The following ATP2C1 variants were observed in gnomAD, a reference collection of about 807,000 sequenced individuals.
The protein encoded by ATP2C1 is calcium-transporting ATPase type 2C member 1.
ATP2C1 carries 31 observed loss-of-function variants against 120.5 expected under a neutral mutation model. The observed-to-expected ratio is 0.26, with a 90% confidence interval of 0.19 to 0.35. The LOEUF (loss-of-function observed/expected upper bound fraction) is 0.35, where lower values mean the gene tolerates loss of function less well. Ranked by LOEUF, ATP2C1 falls within the 10% of genes least tolerant of loss-of-function variation. The pLI is 1.00. For missense variants in ATP2C1, 731 were observed against 1,107.5 expected, an observed-to-expected ratio of 0.66 and a Z score of 4.83; for synonymous variants, 351 against 358.7, an observed-to-expected ratio of 0.98 and a Z score of 0.24.
chr3:130,973,115 G>GTA (rs2061403694), intron 17 of ATP2C1, among the ~76,000 whole-genome samples: 1 of 152,094 alleles, frequency 6.6e-6, no homozygotes, highest in Non-Finnish European at 1.5e-5. Context: ...CCCCATAGTG[G>GTA]TAATAGGAAG....
At chr3:130,921,154 T>A (rs1315243448) in intron 2 of ATP2C1, among the ~76,000 whole-genome samples, 1 of 145,908 alleles carries the variant, frequency 6.9e-6, no homozygotes, top group Admixed American at 7.0e-5. Context: ...CAGTCTTGGG[T>A]CAGTGCAACC....
chr3:130,927,432 G>A (rs1447130456), intron 2 of ATP2C1, among the ~76,000 whole-genome samples: 2 of 151,848 alleles, frequency 1.3e-5, no homozygotes, highest in Admixed American at 1.3e-4. Context: ...TAGTAGAGAC[G>A]GGGTTTCATT....
intron 22 of ATP2C1, among the ~76,000 whole-genome samples, chr3:130,994,300 C>T (rs968966410): frequency 6.6e-6 from 1 of 152,118 alleles, no homozygotes; most frequent in Non-Finnish European, 1.5e-5. Context: ...TGGCAGGACC[C>T]TCATTTAAGA....
At chr3:130,931,752 T>G (rs1389326399) in intron 3 of ATP2C1, among the ~76,000 whole-genome samples, 1 of 152,112 alleles carries the variant, frequency 6.6e-6, no homozygotes, top group East Asian at 1.9e-4. Context: ...GTGTACAATT[T>G]GCATTTTGAC....
At chr3:130,887,191 C>T (rs989093194) in intron 1 of ATP2C1, among the ~76,000 whole-genome samples, 1 of 152,174 alleles carries the variant, frequency 6.6e-6, no homozygotes, top group Non-Finnish European at 1.5e-5. Flanking sequence ...AATGAAGTCT[C>T]TCTGTGCTGA....
intron 1 of ATP2C1, among the ~76,000 whole-genome samples, chr3:130,880,606 CAA>C (rs1416067287): frequency 6.6e-6 from 1 of 152,198 alleles, no homozygotes; most frequent in Non-Finnish European, 1.5e-5. Flanking sequence ...GCTTGTGTTG[CAA>C]AAACTCTTTC....
In ATP2C1 at chr3:131,014,014, T is replaced by C. The variant is rs747196186; in HGVS notation, c.2630-2138T>C. The stretch of plus-strand genomic sequence containing the variant: ...AGGGTGGTAACGGAAGAATTTTAAG[T>C]AAGGATTATATTAAATACATCTAGT... On this transcript the variant is annotated intron_variant, in intron 26 of 26. Transcript: ENST00000328560. 5 of 1,411,772 alleles carry C rather than the reference T, an allele frequency of 3.5e-6. No homozygotes were observed. The African/African-American group carries it at 5.8e-5, about 16-fold the overall frequency. The allele number at this position is 1,411,772 out of a possible 1,614,324, so 87.5% of individuals were successfully genotyped here. A position where few individuals can be genotyped will look rare whatever the true frequency, so the allele number is the denominator to read the frequency against.
intron 26 of ATP2C1, among the ~76,000 whole-genome samples, chr3:131,011,026 T>A (rs1289523135): frequency 6.6e-6 from 1 of 152,256 alleles, no homozygotes; most frequent in Admixed American, 6.5e-5. Flanking sequence ...GTTATAATCC[T>A]TATTTTGCAA....
intron 17 of ATP2C1, among the ~76,000 whole-genome samples, chr3:130,971,097 C>T (rs1486202352): frequency 1.3e-5 from 2 of 152,148 alleles, no homozygotes. Context: ...GCTGATGTCC[C>T]TTAACCACAT....
At chr3:131,010,944 T>A (rs1369726618) in intron 26 of ATP2C1, among the ~76,000 whole-genome samples, 1 of 152,228 alleles carries the variant, frequency 6.6e-6, no homozygotes, top group Non-Finnish European at 1.5e-5. Flanking sequence ...ATAACACACT[T>A]TTAGTATCAG....
chr3:130,943,023 A>G (rs1191070474), intron 8 of ATP2C1, among the ~76,000 whole-genome samples: 1 of 152,226 alleles, frequency 6.6e-6, no homozygotes, highest in Non-Finnish European at 1.5e-5. Flanking sequence ...ATGGTTCGAG[A>G]AATATAATGA....
chr3:130,933,976 AG>A (rs1266504744), intron 4 of ATP2C1, among the ~76,000 whole-genome samples: 1 of 152,228 alleles, frequency 6.6e-6, no homozygotes, highest in Non-Finnish European at 1.5e-5. Context: ...TTCTAACATC[AG>A]AGTTTCAAGG....
intron 2 of ATP2C1, among the ~76,000 whole-genome samples, chr3:130,909,405 C>T (rs530380620): frequency 6.6e-6 from 1 of 152,234 alleles, no homozygotes; most frequent in East Asian, 1.9e-4. Flanking sequence ...TTTGAAGATA[C>T]CTGTCATATC....
At chr3:130,998,589 T>C (rs2108939858) in intron 26 of ATP2C1, among the ~76,000 whole-genome samples, 200 bp downstream of exon 26, 1 of 152,346 alleles carries the variant, frequency 6.6e-6, no homozygotes, top group Middle Eastern at 3.4e-3. Context: ...AAGCTTTATG[T>C]CTGACTAGAA....
intron 12 of ATP2C1, among the ~76,000 whole-genome samples, chr3:130,962,744 AG>A (rs2060880317): frequency 6.6e-6 from 1 of 150,626 alleles, no homozygotes; most frequent in African/African-American, 2.4e-5. Flanking sequence ...AAAAGAAAAA[AG>A]AAAAAAAAGG....
chr3:130,867,560 G>A (rs1459401956), intron 1 of ATP2C1, among the ~76,000 whole-genome samples: 4 of 149,392 alleles, frequency 2.7e-5, no homozygotes, highest in African/African-American at 4.9e-5. Context: ...CCGAGGTGCC[G>A]GGATTGCAGA....
chr3:130,998,416 G>A, intron 26 of ATP2C1, 27 bp downstream of exon 26: 1 of 1,471,054 alleles, frequency 6.8e-7, no homozygotes, highest in Non-Finnish European at 9.5e-7. Context: ...TTAGTTGATT[G>A]ACTTGATTGA....
At chr3:130,958,187 TTTCTTGC>T (rs1440602095) in intron 11 of ATP2C1, among the ~76,000 whole-genome samples, 3 of 152,198 alleles carry the variant, frequency 2.0e-5, no homozygotes, top group Non-Finnish European at 4.4e-5. Flanking sequence ...GGACATAATT[TTTCTTGC>T]CAAGGTCAAG....
chr3:130,993,100 A>G (rs2062430189), intron 21 of ATP2C1, 99 bp downstream of exon 21: 4 of 1,041,670 alleles, frequency 3.8e-6, no homozygotes, highest in African/African-American at 3.2e-5. Context: ...CATCAAGGTC[A>G]GAAATACTGT....
Sources: gnomAD v4.1 joint callset for allele counts (sites outside exome capture counted in the v4.1 genomes callset) on GRCh38, gnomAD v4.1.1 for gene constraint, MANE v1.5 for transcripts, NCBI Gene and HGNC (gene_info 2026-07-23, HGNC 2026-07-21) for gene names.